CBLN2: variants seen among roughly 807,000 people sequenced by gnomAD.
CBLN2 encodes the protein cerebellin-2.
Under a neutral mutation model 15.0 loss-of-function variants are expected in CBLN2, and 7 were observed. The ratio of observed to expected loss-of-function variants is 0.47; its 90% CI spans 0.27 to 0.88. The LOEUF (loss-of-function observed/expected upper bound fraction) is 0.88, where lower values mean the gene tolerates loss of function less well. Ranked by LOEUF, CBLN2 falls within the 40% of genes least tolerant of loss-of-function variation. The pLI is 0.14. For missense variants in CBLN2, 242 were observed against 304.5 expected (o/e 0.79, Z 1.53); for synonymous variants, 149 against 135.2 (o/e 1.10, Z -0.71).
intron 1 of CBLN2, among the ~76,000 whole-genome samples, chr18:72,604,168 A>T (rs1385621568): frequency 1.3e-5 from 2 of 152,218 alleles, no homozygotes; most frequent in East Asian, 3.8e-4. Context: ...GCCCACCAGC[A>T]CTAGAGACTT....
At chr18:72,538,921 A>C in intron 3 of CBLN2, 149 bp from the exon 4 acceptor site, 1 of 937,606 alleles carries the variant, frequency 1.1e-6, no homozygotes, top group East Asian at 2.6e-5. Flanking sequence ...TTCCCCAGGA[A>C]GGAGGCAGTG....
Position 72,581,091 on chromosome 18 carries a change from G to A in CBLN2, c.16-42319C>T, listed in dbSNP as rs371580631. Among the ~76,000 whole-genome samples, 6 of 152,218 alleles carry A rather than the reference G, an allele frequency of 3.9e-5. No individual in the cohort carries two copies. In the East Asian group the frequency reaches 5.8e-4, roughly 15 times the overall value. On this transcript the variant is annotated intron_variant, in intron 1 of 2. Coordinates refer to the CBLN2 transcript ENST00000581073. ...TTTATCAAGAATCCCCCTACCCTTA[G>A]TAATTTTCTATCCACTGACTGCCTC...
rs2069083112 is a variant in CBLN2 at position 72,538,346 on chromosome 18, C to T, written c.505G>A (p.Val169Met). The T allele has an allele frequency of 6.2e-7, 1 of 1,614,080 alleles. No individual in the cohort carries two copies. ...TGGTCTCCTGCAAAGGCCGAGATCA[C>T]TGGGTAGCCATTCTGCATTAAACTG... ...QVSLMQNGYPVISAFAGDQDV... is the reference protein window; with the variant it reads ...QVSLMQNGYPMISAFAGDQDV... Residue 169 changes from valine to methionine, a missense_variant, in exon 5 of 5, where the codon GTG becomes ATG. Transcript: ENST00000269503.
intron 1 of CBLN2, among the ~76,000 whole-genome samples, chr18:72,583,861 C>T (rs1341302175): frequency 1.3e-5 from 2 of 152,204 alleles, no homozygotes; most frequent in Non-Finnish European, 2.9e-5. Context: ...TGAAAAGTTG[C>T]CCTGGCAATG....
In CBLN2 at chr18:72,538,048, T is replaced by C. The variant is rs147631667; in HGVS notation, c.*128A>G. ...GTACTGGAGGTTTCAAAGGAAATCA[T>C]TCTTCTACTGCAACAGTCTGACGGA... is the stretch of plus-strand genomic sequence containing the variant. On this transcript the variant is annotated 3_prime_UTR_variant, in exon 5 of 5. Transcript: ENST00000269503. 37 of 906,644 alleles carry C rather than the reference T, an allele frequency of 4.1e-5. No homozygotes were observed. The Middle Eastern group carries it at 1.3e-3, about 33-fold the overall frequency. 56.2% of individuals were successfully genotyped at this position (906,644 alleles called of 1,614,324 possible). A position where few individuals can be genotyped will look rare whatever the true frequency, so the allele number is the denominator to read the frequency against.
chr18:72,616,465 G>C (rs2069662975), intron 1 of CBLN2, among the ~76,000 whole-genome samples: 1 of 152,146 alleles, frequency 6.6e-6, no homozygotes, highest in Non-Finnish European at 1.5e-5. Context: ...TTTGTGCTCT[G>C]TTTCTCATTG....
At chr18:72,555,507 C>T (rs1208801230) in intron 1 of CBLN2, among the ~76,000 whole-genome samples, 1 of 151,824 alleles carries the variant, frequency 6.6e-6, no homozygotes, top group East Asian at 1.9e-4. Flanking sequence ...TGAGTTGTTG[C>T]CGTTGAAAGT....
chr18:72,615,489 T>A (rs1163853369), intron 1 of CBLN2, among the ~76,000 whole-genome samples: 1 of 151,746 alleles, frequency 6.6e-6, no homozygotes, highest in South Asian at 2.1e-4. Flanking sequence ...TTGGTCAGGC[T>A]GGTCTCAAAA....
At chr18:72,562,663 T>C (rs960772705) in intron 1 of CBLN2, among the ~76,000 whole-genome samples, 1 of 152,232 alleles carries the variant, frequency 6.6e-6, no homozygotes, top group Non-Finnish European at 1.5e-5. Context: ...AAATGCTGAA[T>C]GCATATTTAG....
At chr18:72,559,358 T>C (rs1184556749) in intron 1 of CBLN2, among the ~76,000 whole-genome samples, 7 of 152,192 alleles carry the variant, frequency 4.6e-5, no homozygotes, top group African/African-American at 1.7e-4. Context: ...TTTGATGAAT[T>C]TGACTGAGAA....
intron 1 of CBLN2, among the ~76,000 whole-genome samples, chr18:72,561,482 C>G (rs563068859): frequency 6.6e-6 from 1 of 152,038 alleles, no homozygotes. Context: ...CTCTGTCTTC[C>G]CTCTGTCCCC....
intron 1 of CBLN2, among the ~76,000 whole-genome samples, chr18:72,617,751 C>T (rs60013582): frequency 0.21 from 31,440 of 152,004 alleles, 4,998 homozygotes; most frequent in African/African-American, 0.45. Context: ...CTCCTGTCTT[C>T]CTCTATGAAG....
chr18:72,602,234 A>G (rs927280455), intron 1 of CBLN2, among the ~76,000 whole-genome samples: 7 of 152,166 alleles, frequency 4.6e-5, no homozygotes. Flanking sequence ...ATCTTCCTTC[A>G]AGGACATCCT....
chr18:72,544,879 A>G (rs1568251116), upstream of CBLN2, among the ~76,000 whole-genome samples: 1 of 151,952 alleles, frequency 6.6e-6, no homozygotes, highest in Non-Finnish European at 1.5e-5. Context: ...AACAATCAAT[A>G]TTTAAATCTA....
chr18:72,576,902 G>C (rs1469027710), intron 1 of CBLN2, among the ~76,000 whole-genome samples: 1 of 147,920 alleles, frequency 6.8e-6, no homozygotes, highest in Non-Finnish European at 1.5e-5. Context: ...AAATTAGTGT[G>C]TATATATACA....
chr18:72,570,136 T>G (rs1013956321), intron 1 of CBLN2, among the ~76,000 whole-genome samples: 1 of 152,218 alleles, frequency 6.6e-6, no homozygotes, highest in African/African-American at 2.4e-5. Flanking sequence ...ATTATAGATT[T>G]TGTGAATGTA....
intron 1 of CBLN2, among the ~76,000 whole-genome samples, chr18:72,634,277 G>A (rs1599032850): frequency 6.6e-6 from 1 of 151,928 alleles, no homozygotes; most frequent in Non-Finnish European, 1.5e-5. Context: ...ATTACTGTAG[G>A]AGCCTATGAA....
At chr18:72,623,856 C>T (rs1360860280) in intron 1 of CBLN2, among the ~76,000 whole-genome samples, 6 of 152,094 alleles carry the variant, frequency 3.9e-5, no homozygotes, top group Admixed American at 1.3e-4. Context: ...CCGGACTGAT[C>T]GCTCTCGGAG....
chr18:72,557,086 G>A (rs757995726), intron 1 of CBLN2, among the ~76,000 whole-genome samples: 16 of 151,160 alleles, frequency 1.1e-4, no homozygotes, highest in African/African-American at 1.5e-4. Flanking sequence ...ACAATATCTC[G>A]AATGCAGTGC....
Sources: gnomAD v4.1 joint callset for allele counts (sites outside exome capture counted in the v4.1 genomes callset) on GRCh38, gnomAD v4.1.1 for gene constraint, MANE v1.5 for transcripts, NCBI Gene and HGNC (gene_info 2026-07-23, HGNC 2026-07-21) for gene names.